Variants in PC observed in about 807,000 individuals in gnomAD.
The protein encoded by PC is pyruvate carboxylase, mitochondrial.
A neutral mutation model predicts 107.8 loss-of-function variants in PC; 46 were observed. That is an observed-to-expected ratio of 0.43 (90% CI 0.34 to 0.55). The LOEUF is 0.55. Among genes scored for constraint, PC ranks in the 20% least tolerant of loss-of-function variants. The pLI is 0.04. For synonymous variants in PC, 662 were observed against 684.7 expected (o/e 0.97, Z 0.52); for missense variants, 1,241 against 1,643.1 (o/e 0.76, Z 4.23).
At chr11:66,920,178 A>G (rs1253899369) in intron 3 of PC, among the ~76,000 whole-genome samples, 2 of 152,134 alleles carry the variant, frequency 1.3e-5, no homozygotes, top group East Asian at 3.9e-4. Context: ...GGGAAAGACG[A>G]GAGAGATGGT....
intron 12 of PC, among the ~76,000 whole-genome samples, 191 bp from the exon 13 acceptor site, chr11:66,853,574 C>T (rs932657811): frequency 1.3e-5 from 2 of 152,174 alleles, no homozygotes; most frequent in African/African-American, 4.8e-5. Flanking sequence ...TAAGCTGTCA[C>T]GGGCTGGGCC....
chr11:66,914,961 G>A (rs1002252033), intron 3 of PC, among the ~76,000 whole-genome samples: 3 of 152,276 alleles, frequency 2.0e-5, no homozygotes, highest in African/African-American at 4.8e-5. Flanking sequence ...GCCTGGGGGA[G>A]TTCAAGGCTG....
In PC at chr11:66,853,230, G is replaced by A. The variant is rs45580638; in HGVS notation, c.1513+9C>T. On this transcript the variant is annotated intron_variant, in intron 13 of 22. Transcript: ENST00000393960. ...GGGGAGGGCAGGGCAGGGCAGTCTC[G>A]GGCCAGACCGAGGTAGTGCAACAGC... The A allele has an allele frequency of 2.0e-5, 32 of 1,613,250 alleles. No individual in the cohort carries two copies. The highest frequency in any genetic ancestry group is 1.8e-4 in the East Asian group (8 of 44,874).
At chr11:66,891,668 A>G (rs1293786062) in intron 3 of PC, among the ~76,000 whole-genome samples, 1 of 152,240 alleles carries the variant, frequency 6.6e-6, no homozygotes, top group Non-Finnish European at 1.5e-5. Context: ...CTGGGATTAC[A>G]GGCGTGAGCC....
chr11:66,860,436 T>C, intron 12 of PC: 1 of 704,984 alleles, frequency 1.4e-6, no homozygotes, highest in South Asian at 1.5e-5. Flanking sequence ...CCACTGGGAG[T>C]CTTGTTTTTA....
intron 3 of PC, among the ~76,000 whole-genome samples, chr11:66,934,143 A>T (rs1224652108): frequency 6.6e-6 from 1 of 152,092 alleles, no homozygotes; most frequent in African/African-American, 2.4e-5. Context: ...GCCTCCTACG[A>T]ACTCAAATAT....
At chr11:66,900,335 C>T (rs747465915) in intron 3 of PC, among the ~76,000 whole-genome samples, 34 of 152,112 alleles carry the variant, frequency 2.2e-4, no homozygotes, top group African/African-American at 5.1e-4. Context: ...CCACCACGCC[C>T]GACTAATTTT....
chr11:66,888,563 C>T (rs1947454669), intron 3 of PC, among the ~76,000 whole-genome samples: 1 of 151,970 alleles, frequency 6.6e-6, no homozygotes, highest in Non-Finnish European at 1.5e-5. Flanking sequence ...GTCCACAGGC[C>T]TGGAGACCCG....
intron 3 of PC, among the ~76,000 whole-genome samples, chr11:66,883,633 T>C (rs1947260018): frequency 6.6e-6 from 1 of 152,192 alleles, no homozygotes. Context: ...TAATAGACAC[T>C]GTTAGGGCCC....
At position 66,858,525 on chromosome 11, in the gene PC, C is replaced by T. The variant is rs1228253816; in HGVS notation, c.1369-5142G>A. The T allele has an allele frequency of 6.5e-7, 1 of 1,533,946 alleles. No homozygotes were observed. The highest frequency in any genetic ancestry group is 8.7e-7 in the Non-Finnish European group (1 of 1,145,480). On this transcript the variant is annotated intron_variant, in intron 12 of 22. Coordinates refer to ENST00000393960, the MANE Select transcript of PC (RefSeq NM_001040716.2). This position sits in a 1 kb window ranked among gnomAD's most constrained non-coding sequence, Gnocchi z 5.9. Reference sequence around the variant, plus strand: ...CGACCTGGAAACGTGCGCCTCCCCGCCCGGCCTGGCCGGCCGCTACTTCTG... The same window carrying T: ...CGACCTGGAAACGTGCGCCTCCCCGTCCGGCCTGGCCGGCCGCTACTTCTG...
At chr11:66,926,711 A>G (rs1201239089) in intron 3 of PC, among the ~76,000 whole-genome samples, 2 of 152,088 alleles carry the variant, frequency 1.3e-5, no homozygotes, top group Admixed American at 6.6e-5. Context: ...ACTAGCTGTC[A>G]TTCCCCATTC....
intron 12 of PC, 67 bp from the exon 13 acceptor site, chr11:66,853,450 G>A: frequency 1.3e-6 from 2 of 1,589,474 alleles, no homozygotes; most frequent in South Asian, 1.1e-5. Context: ...GAGGAGAAAA[G>A]GCTGAAAGAG....
At chr11:66,889,397 G>A (rs754757316) in intron 3 of PC, among the ~76,000 whole-genome samples, 6 of 152,002 alleles carry the variant, frequency 3.9e-5, no homozygotes, top group Non-Finnish European at 8.8e-5. Context: ...ATTTGAGAGC[G>A]TCTCACTCTG....
chr11:66,910,623 G>C (rs1654572691), intron 3 of PC, among the ~76,000 whole-genome samples: 1 of 152,196 alleles, frequency 6.6e-6, no homozygotes. Context: ...TGGCAAATTA[G>C]CATCCACCCC....
intron 3 of PC, among the ~76,000 whole-genome samples, chr11:66,906,529 G>A (rs1948168949): frequency 1.3e-5 from 2 of 152,208 alleles, no homozygotes; most frequent in Non-Finnish European, 2.9e-5. Context: ...AGAAAGGCAT[G>A]TTCTTAACAA....
chr11:66,949,137 C>T (rs1290211578), intron 3 of PC, among the ~76,000 whole-genome samples: 2 of 151,024 alleles, frequency 1.3e-5, no homozygotes, highest in Admixed American at 6.6e-5. Context: ...GGATTACAGG[C>T]GCGTGACCAC....
At chr11:66,921,618 A>C (rs1948598920) in intron 3 of PC, among the ~76,000 whole-genome samples, 2 of 151,994 alleles carry the variant, frequency 1.3e-5, no homozygotes, top group Non-Finnish European at 2.9e-5. Context: ...GTGGGGTGGG[A>C]GACAGGAGCC....
At chr11:66,875,421 G>C (rs1034484226) in intron 3 of PC, among the ~76,000 whole-genome samples, 6 of 152,256 alleles carry the variant, frequency 3.9e-5, no homozygotes, top group African/African-American at 1.4e-4. Flanking sequence ...AGCTCACAGA[G>C]GGGGAAGAGC....
At chr11:66,859,897 T>G in intron 12 of PC, 9 of 1,575,472 alleles carry the variant, frequency 5.7e-6, no homozygotes, top group Non-Finnish European at 7.7e-6. Context: ...ACTGTGGCCT[T>G]GCTGGTTCGG....
Sources: gnomAD v4.1 joint callset for allele counts (sites outside exome capture counted in the v4.1 genomes callset) on GRCh38, gnomAD v4.1.1 for gene constraint, Gnocchi (gnomAD v3.1) non-coding constraint, MANE v1.5 for transcripts, NCBI Gene and HGNC (gene_info 2026-07-23, HGNC 2026-07-21) for gene names.